CROCC2: variants seen among roughly 807,000 people sequenced by gnomAD.
CROCC2 encodes the protein ciliary rootlet coiled-coil protein 2.
A neutral mutation model predicts 177.6 loss-of-function variants in CROCC2; 163 were observed. The observed-to-expected ratio is 0.92, with a 90% CI of 0.81 to 1.05. CROCC2 has a LOEUF of 1.05. Ranked by LOEUF, CROCC2 falls within the 50% of genes least tolerant of loss-of-function variation. The probability of loss-of-function intolerance (pLI) is 0.00; values close to 1 mark genes in which losing one functional copy is unlikely to be tolerated. For synonymous variants in CROCC2, 904 were observed against 787.3 expected (o/e 1.15, Z -2.48); for missense variants, 1,929 against 1,797.8 (o/e 1.07, Z -1.32).
At chr2:240,924,872 G>A (rs1365956776) in intron 4 of CROCC2, among the ~76,000 whole-genome samples, 1 of 398 alleles carries the variant, frequency 2.5e-3, no homozygotes, top group Non-Finnish European at 3.8e-3. Context: ...CCCCCACACT[G>A]ACCCGGCCCC....
intron 31 of CROCC2, 109 bp from the exon 32 acceptor site, chr2:240,992,957 C>A: frequency 1.5e-6 from 1 of 662,216 alleles, no homozygotes; most frequent in South Asian, 1.6e-5. Flanking sequence ...TCAAGGTTCC[C>A]AGTTGTGGGC....
intron 28 of CROCC2, 113 bp from the exon 29 acceptor site, chr2:240,988,626 T>G (rs1222949339): frequency 1.8e-6 from 2 of 1,131,240 alleles, no homozygotes; most frequent in Non-Finnish European, 2.3e-6. Flanking sequence ...CTGCCAGCTC[T>G]TAGGGGAATT....
intron 10 of CROCC2, 29 bp from the exon 11 acceptor site, chr2:240,933,641 C>A (rs946896950): frequency 4.5e-6 from 7 of 1,547,320 alleles, no homozygotes; most frequent in Non-Finnish European, 6.1e-6. Context: ...TGTCCAGGGC[C>A]GCCCCAACTC....
intron 18 of CROCC2, 131 bp from the exon 19 acceptor site, chr2:240,955,723 AGACAG>A (rs1472784796): frequency 1.6e-6 from 1 of 618,376 alleles, no homozygotes; most frequent in East Asian, 2.8e-5. Context: ...AGGGATGTGC[AGACAG>A]GAACATGAAC....
Position 240,917,846 on chromosome 2 carries a change from G to A in CROCC2, c.79-880G>A, listed in dbSNP as rs903593494. Among the ~76,000 whole-genome samples, 12 of 152,190 alleles carry A rather than the reference G, an allele frequency of 7.9e-5. No homozygotes were observed. The highest frequency in any genetic ancestry group is 2.1e-4 in the South Asian group (1 of 4,834). On this transcript the variant is annotated intron_variant, in intron 1 of 31. Coordinates refer to ENST00000690015, the MANE Select transcript of CROCC2 (RefSeq NM_001351305.2). This position sits in a 1 kb window ranked among gnomAD's most constrained non-coding sequence, Gnocchi z 4.9. ...GGGCTTCTGCTGGTTTGGCACAGGC[G>A]GCCTGTGTGTCCTGCCCACAGTCGG...
chr2:240,989,560 A>G (rs904316894), intron 29 of CROCC2, 94 bp from the exon 30 acceptor site: 9 of 1,252,348 alleles, frequency 7.2e-6, no homozygotes, highest in Non-Finnish European at 9.9e-6. Flanking sequence ...GGGGCCCACA[A>G]GGACAGGTGA....
chr2:240,929,937 G>A (rs1298109043), intron 5 of CROCC2, among the ~76,000 whole-genome samples: 1 of 152,234 alleles, frequency 6.6e-6, no homozygotes. Flanking sequence ...GGCCTGGGAG[G>A]GCTGGATGTG....
chr2:240,907,893 G>C (rs1289161737), intron 1 of CROCC2, among the ~76,000 whole-genome samples: 2 of 66,554 alleles, frequency 3.0e-5, no homozygotes, highest in East Asian at 9.4e-4. Context: ...TCCTCCACCT[G>C]GGGTGAGCTC....
rs1348469410 is a variant in CROCC2 at position 240,972,725 on chromosome 2, AATT to A, written c.4401+4470_4401+4472del. Among the ~76,000 whole-genome samples the A allele has an allele frequency of 6.6e-6, 1 of 151,792 alleles. No homozygotes were observed. The highest frequency in any genetic ancestry group is 1.5e-5 in the Non-Finnish European group (1 of 68,004). ...GTCAACGTTTTCTTACAATTCTGGC[AATT>A]ATTATTTCACCCATTTTTAGGCCAA... On this transcript the variant is annotated intron_variant, in intron 27 of 31. Coordinates refer to ENST00000690015, the MANE Select transcript of CROCC2 (RefSeq NM_001351305.2). This position sits in a 1 kb window ranked among gnomAD's most constrained non-coding sequence, Gnocchi z 7.1.
rs1209294892 is a variant in CROCC2, at chr2:240,964,629, G to T, written c.3465+4G>T. ...GCTCCGGGAACTCCACAGACAGGTA[G>T]GGCGGCAGGGAGGGGTCAACATCCA... On this transcript the variant is annotated splice_donor_region_variant and intron_variant, in intron 22 of 31. Transcript: ENST00000690015. 5 of 1,547,982 alleles carry T rather than the reference G, an allele frequency of 3.2e-6. No homozygotes were observed. The highest frequency in any genetic ancestry group is 3.5e-6 in the Non-Finnish European group (4 of 1,145,856).
intron 5 of CROCC2, among the ~76,000 whole-genome samples, chr2:240,929,094 G>T (rs74000143): frequency 6.6e-6 from 1 of 152,066 alleles, no homozygotes; most frequent in Non-Finnish European, 1.5e-5. Flanking sequence ...TGTGTTCTCC[G>T]GAGGGTGTAT....
At chr2:240,915,865 G>C (rs2059316768) in intron 1 of CROCC2, among the ~76,000 whole-genome samples, 1 of 152,166 alleles carries the variant, frequency 6.6e-6, no homozygotes, top group African/African-American at 2.4e-5. Flanking sequence ...ATAGGGGCCG[G>C]GCTCAGCTGT....
At chr2:240,970,191 C>G (rs941910148) in intron 27 of CROCC2, among the ~76,000 whole-genome samples, 1 of 152,152 alleles carries the variant, frequency 6.6e-6, no homozygotes, top group Non-Finnish European at 1.5e-5. Context: ...TATTTGACTT[C>G]TAGATTTCTT....
chr2:240,913,599 C>G (rs1240219365), intron 1 of CROCC2, among the ~76,000 whole-genome samples: 1 of 152,236 alleles, frequency 6.6e-6, no homozygotes, highest in African/African-American at 2.4e-5. Flanking sequence ...GCCTCAGTGC[C>G]TAGCCGGCCG....
In CROCC2 at chr2:240,917,254, C is replaced by T. The variant is rs1183613757; in HGVS notation, c.79-1472C>T. On this transcript the variant is annotated intron_variant, in intron 1 of 31. Coordinates refer to ENST00000690015, the MANE Select transcript of CROCC2 (RefSeq NM_001351305.2). The surrounding 1 kb of genome is among the most constrained non-coding windows in gnomAD (Gnocchi z 4.9). ...AGAGTCGGAATAGGGCCTCTCCAGG[C>T]GCCATGCTGAGCCTGGGTCTGCGGT... Among the ~76,000 whole-genome samples, 16 of 135,936 alleles carry T rather than the reference C, an allele frequency of 1.2e-4. No homozygotes were observed. The highest frequency in any genetic ancestry group is 8.9e-5 in the Non-Finnish European group (6 of 67,720). 89.2% of individuals were successfully genotyped at this position (135,936 alleles called of 152,430 possible).
intron 27 of CROCC2, among the ~76,000 whole-genome samples, chr2:240,971,939 G>A (rs569880394): frequency 1.6e-4 from 25 of 152,046 alleles, no homozygotes; most frequent in African/African-American, 4.6e-4. Flanking sequence ...GGCCTCGTTC[G>A]GCCTGAGTTT....
intron 15 of CROCC2, among the ~76,000 whole-genome samples, chr2:240,948,079 T>A (rs1253849186): frequency 6.6e-6 from 1 of 152,002 alleles, no homozygotes; most frequent in Non-Finnish European, 1.5e-5. Flanking sequence ...AGGAAAGGTT[T>A]CCTACACGCA....
At chr2:240,912,023 G>A (rs2059291850) in intron 1 of CROCC2, among the ~76,000 whole-genome samples, 1 of 152,170 alleles carries the variant, frequency 6.6e-6, no homozygotes, top group Non-Finnish European at 1.5e-5. Context: ...GGATGGCTGG[G>A]TCGCGCGGAG....
At chr2:240,964,275 G>A (rs778488825) in intron 21 of CROCC2, 191 bp from the exon 22 acceptor site, 20 of 649,328 alleles carry the variant, frequency 3.1e-5, no homozygotes, top group Non-Finnish European at 5.1e-5. Context: ...GGGGCCATGC[G>A]GCCGGCACCG....
Sources: allele counts gnomAD v4.1 joint callset (sites outside exome capture counted in the v4.1 genomes callset), GRCh38; gene constraint gnomAD v4.1.1; non-coding constraint Gnocchi (gnomAD v3.1); transcripts MANE v1.5; gene names NCBI Gene and HGNC (gene_info 2026-07-23, HGNC 2026-07-21).